Variants in CHRNB3 observed in about 807,000 individuals in gnomAD.
The protein encoded by CHRNB3 is neuronal acetylcholine receptor subunit beta-3.
A neutral mutation model predicts 40.6 loss-of-function variants in CHRNB3; 37 were observed. The ratio of observed to expected loss-of-function variants is 0.91; its 90% CI spans 0.70 to 1.20. The LOEUF is 1.20. Ranked by LOEUF, CHRNB3 falls within the 50% of genes most tolerant of loss-of-function variation. The pLI, the probability that CHRNB3 is intolerant of heterozygous loss-of-function variation, is 0.00. For synonymous variants in CHRNB3, 207 were observed against 207.1 expected, an observed-to-expected ratio of 1.00 and a Z score of 0.00; for missense variants, 505 against 551.2, an observed-to-expected ratio of 0.92 and a Z score of 0.84.
At chr8:42,723,333 GT>G (rs879353675) in intron 3 of CHRNB3, among the ~76,000 whole-genome samples, 1 of 151,638 alleles carries the variant, frequency 6.6e-6, no homozygotes, top group Non-Finnish European at 1.5e-5. Flanking sequence ...TTCTATCATT[GT>G]TTTTTTTGTT....
chr8:42,714,156 C>T (rs1233376517), intron 3 of CHRNB3, among the ~76,000 whole-genome samples: 1 of 152,144 alleles, frequency 6.6e-6, no homozygotes, highest in Non-Finnish European at 1.5e-5. Flanking sequence ...CTGCCTGTAA[C>T]AGGAGGCATT....
chr8:42,734,881 T>G (rs1214084603), intron 5 of CHRNB3, among the ~76,000 whole-genome samples: 1 of 152,068 alleles, frequency 6.6e-6, no homozygotes, highest in Non-Finnish European at 1.5e-5. Flanking sequence ...CATTCAGCTG[T>G]CAAGTTGGGA....
At position 42,730,520 on chromosome 8, in the gene CHRNB3, C is replaced by G. The variant is rs1037351122; in HGVS notation, c.250-74C>G. 2.8e-5 allele frequency: 26 copies of G among 942,094 alleles called. No homozygotes were observed. In the African/African-American group the frequency reaches 4.4e-4, roughly 16 times the overall value. 58.4% of individuals were successfully genotyped at this position (942,094 alleles called of 1,614,324 possible). A position where few individuals can be genotyped will look rare whatever the true frequency, so the allele number is the denominator to read the frequency against. On this transcript the variant is annotated intron_variant, in intron 3 of 5. Coordinates refer to ENST00000289957, the MANE Select transcript of CHRNB3 (RefSeq NM_000749.5). The stretch of plus-strand genomic sequence containing the variant: ...TAAAACAGTGGCTTGGTAAAGCTAA[C>G]AGAAACTTGAAGATTTCAAGATCTA...
chr8:42,705,290 G>T (rs1563607089), intron 1 of CHRNB3, among the ~76,000 whole-genome samples: 2 of 152,222 alleles, frequency 1.3e-5, no homozygotes, highest in Non-Finnish European at 1.5e-5. Context: ...AGGAAAAGGG[G>T]GAATGCCTGT....
intron 1 of CHRNB3, among the ~76,000 whole-genome samples, chr8:42,700,356 C>T (rs143475500): frequency 0.011 from 1,713 of 152,018 alleles, 38 homozygotes; most frequent in African/African-American, 0.04. Flanking sequence ...CGGAATCTCG[C>T]TCTGTCACCC....
At chr8:42,712,814 C>T (rs114549145) in intron 3 of CHRNB3, among the ~76,000 whole-genome samples, 379 of 150,716 alleles carry the variant, frequency 2.5e-3, no homozygotes, top group African/African-American at 8.9e-3. Context: ...ATCAAACAAA[C>T]ACACAAACCT....
At chr8:42,706,412 G>A (rs913988240) in intron 1 of CHRNB3, among the ~76,000 whole-genome samples, 9 of 152,150 alleles carry the variant, frequency 5.9e-5, no homozygotes, top group Non-Finnish European at 1.2e-4. Context: ...GCTGCTGTGT[G>A]GGGAATGGAC....
At chr8:42,734,414 G>A (rs564562684) in intron 5 of CHRNB3, among the ~76,000 whole-genome samples, 1 of 150,378 alleles carries the variant, frequency 6.6e-6, no homozygotes, top group South Asian at 2.1e-4. Context: ...ACAAACTGAT[G>A]AAAGAATTTT....
At position 42,736,962 on chromosome 8, in the gene CHRNB3, G is replaced by C; in HGVS notation, c.*344G>C. The C allele has an allele frequency of 4.8e-6, 1 of 209,888 alleles. No homozygotes were observed. 13.0% of individuals were successfully genotyped at this position (209,888 alleles called of 1,614,324 possible). A position where few individuals can be genotyped will look rare whatever the true frequency, so the allele number is the denominator to read the frequency against. On this transcript the variant is annotated 3_prime_UTR_variant, in exon 6 of 6. Coordinates refer to ENST00000289957, the MANE Select transcript of CHRNB3 (RefSeq NM_000749.5). ...ACACCTCCTAGAAGCAGCAGGCCTCGGTGGTGGGGGAGGGGGGATTCACCT... is the reference window on the plus strand; with the variant it reads ...ACACCTCCTAGAAGCAGCAGGCCTCCGTGGTGGGGGAGGGGGGATTCACCT...
chr8:42,716,219 C>T (rs932129798), intron 3 of CHRNB3, among the ~76,000 whole-genome samples: 2 of 152,120 alleles, frequency 1.3e-5, no homozygotes, highest in Non-Finnish European at 2.9e-5. Context: ...TCAGATTATC[C>T]ACCCGCCTTG....
intron 3 of CHRNB3, 61 bp from the exon 4 acceptor site, chr8:42,730,533 A>G: frequency 9.6e-7 from 1 of 1,046,094 alleles, no homozygotes; most frequent in Non-Finnish European, 1.4e-6. Flanking sequence ...AAACTTGAAG[A>G]TTTCAAGATC....
At chr8:42,728,929 C>T (rs1360255223) in intron 3 of CHRNB3, among the ~76,000 whole-genome samples, 1 of 152,070 alleles carries the variant, frequency 6.6e-6, no homozygotes, top group Non-Finnish European at 1.5e-5. Flanking sequence ...CTCAGACCTA[C>T]CAATGATAGT....
chr8:42,703,278 G>T (rs1322287696), intron 1 of CHRNB3, among the ~76,000 whole-genome samples: 4 of 151,186 alleles, frequency 2.6e-5, no homozygotes, highest in Non-Finnish European at 5.9e-5. Context: ...ACAAAAATTA[G>T]CTGGGCATGT....
chr8:42,731,699 C>A lies in CHRNB3; in HGVS notation c.392C>A (p.Thr131Asn). The A allele has an allele frequency of 6.2e-7, 1 of 1,613,026 alleles. No homozygotes were observed. The highest frequency in any genetic ancestry group is 2.2e-5 in the East Asian group (1 of 44,868). Reference protein sequence around the residue: ...ADGRFEGSLMTKVIVKSNGTV... With the variant: ...ADGRFEGSLMNKVIVKSNGTV... Reference sequence around the variant, plus strand: ...GGCCGCTTCGAAGGCTCCCTGATGACCAAGGTCATCGTGAAATCAAACGGA... The same window carrying A: ...GGCCGCTTCGAAGGCTCCCTGATGAACAAGGTCATCGTGAAATCAAACGGA... The change falls in exon 5 of 6, where the codon ACC becomes AAC. Residue 131 changes from threonine (T) to asparagine (N), a missense_variant. Transcript: ENST00000289957.
intron 1 of CHRNB3, among the ~76,000 whole-genome samples, chr8:42,700,953 C>T (rs1038252422): frequency 6.6e-6 from 1 of 151,782 alleles, no homozygotes; most frequent in Non-Finnish European, 1.5e-5. Flanking sequence ...AGAGACTGGT[C>T]GGGTGTGGGG....
At chr8:42,724,656 T>C (rs1816274289) in intron 3 of CHRNB3, among the ~76,000 whole-genome samples, 1 of 152,004 alleles carries the variant, frequency 6.6e-6, no homozygotes, top group South Asian at 2.1e-4. Flanking sequence ...AATGTGCTGA[T>C]TTCAGACGAG....
At chr8:42,717,359 G>A (rs1320228593) in intron 3 of CHRNB3, among the ~76,000 whole-genome samples, 3 of 47,392 alleles carry the variant, frequency 6.3e-5, no homozygotes, top group Non-Finnish European at 1.2e-4. Flanking sequence ...GGGTGACAGA[G>A]CGAGACTCCG....
intron 3 of CHRNB3, among the ~76,000 whole-genome samples, chr8:42,713,592 G>A (rs561344194): frequency 6.6e-6 from 1 of 152,268 alleles, no homozygotes; most frequent in African/African-American, 2.4e-5. Context: ...ATTTGTAGTG[G>A]TGAAGTCTAG....
intron 3 of CHRNB3, among the ~76,000 whole-genome samples, chr8:42,716,734 C>T (rs966066161): frequency 3.3e-5 from 5 of 151,994 alleles, no homozygotes; most frequent in African/African-American, 1.2e-4. Flanking sequence ...CCGCCTCTGC[C>T]CGACCCTGTT....
Sources: allele counts gnomAD v4.1 joint callset (sites outside exome capture counted in the v4.1 genomes callset), GRCh38; gene constraint gnomAD v4.1.1; transcripts MANE v1.5; gene names NCBI Gene and HGNC (gene_info 2026-07-23, HGNC 2026-07-21).